Variants in WDPCP observed in about 807,000 individuals in gnomAD.
The protein encoded by WDPCP is WD repeat-containing and planar cell polarity effector protein fritz homolog.
Under a neutral mutation model 93.1 loss-of-function variants are expected in WDPCP, and 71 were observed. The observed-to-expected ratio is 0.76, with a 90% confidence interval of 0.63 to 0.93. The LOEUF is 0.93. Among genes scored for constraint, WDPCP ranks in the 40% least tolerant of loss-of-function variants. The pLI is 0.00. For missense variants in WDPCP, 844 were observed against 887.4 expected (o/e 0.95, Z 0.62); for synonymous variants, 315 against 315.0 (o/e 1.00, Z 0.00).
At chr2:63,309,954 A>G (rs978030653) in intron 13 of WDPCP, among the ~76,000 whole-genome samples, 1 of 152,172 alleles carries the variant, frequency 6.6e-6, no homozygotes, top group Non-Finnish European at 1.5e-5. Flanking sequence ...CCTTGATTCA[A>G]TTCCAATCTT....
intron 1 of WDPCP, among the ~76,000 whole-genome samples, chr2:63,557,960 G>A (rs1259248665): frequency 6.6e-6 from 1 of 152,152 alleles, no homozygotes; most frequent in African/African-American, 2.4e-5. Context: ...AGAACAAAGA[G>A]AAAACATAAC....
At chr2:63,673,086 C>T (rs1035239294) in intron 2 of WDPCP, among the ~76,000 whole-genome samples, 2 of 152,072 alleles carry the variant, frequency 1.3e-5, no homozygotes, top group Non-Finnish European at 2.9e-5. Flanking sequence ...CACTTCTTTA[C>T]AAGGATTAAA....
At chr2:63,258,152 T>G (rs1460039406) in intron 14 of WDPCP, among the ~76,000 whole-genome samples, 1 of 152,206 alleles carries the variant, frequency 6.6e-6, no homozygotes, top group African/African-American at 2.4e-5. Context: ...TTAGTAGTAG[T>G]ACACACATTA....
At chr2:63,681,517 A>T (rs1480573212) in intron 2 of WDPCP, among the ~76,000 whole-genome samples, 1 of 152,210 alleles carries the variant, frequency 6.6e-6, no homozygotes. Flanking sequence ...GTACCAGCTC[A>T]GCTGCAAACA....
At chr2:63,592,149 G>C (rs1231644801), upstream of WDPCP, among the ~76,000 whole-genome samples, 2 of 152,082 alleles carry the variant, frequency 1.3e-5, no homozygotes, top group African/African-American at 4.8e-5. Flanking sequence ...ATAGTACCAA[G>C]TACATGATAG....
At chr2:63,405,726 T>C (rs1283902116) in intron 9 of WDPCP, among the ~76,000 whole-genome samples, 1 of 152,036 alleles carries the variant, frequency 6.6e-6, no homozygotes, top group Non-Finnish European at 1.5e-5. Context: ...TGGAACACAA[T>C]GCAGAAGAAC....
intron 2 of WDPCP, among the ~76,000 whole-genome samples, chr2:63,687,499 A>G (rs1668824685): frequency 6.6e-6 from 1 of 152,228 alleles, no homozygotes; most frequent in African/African-American, 2.4e-5. Flanking sequence ...AAATCTAATA[A>G]TCCCATCAAA....
intron 12 of WDPCP, chr2:63,369,575 ATCCC>A: frequency 2.2e-6 from 1 of 451,046 alleles, no homozygotes; most frequent in Admixed American, 2.4e-5. Flanking sequence ...CATTTTGTAC[ATCCC>A]AAATGAAAAA....
intron 1 of WDPCP, among the ~76,000 whole-genome samples, chr2:63,553,278 TTC>T (rs1705820001): frequency 6.6e-6 from 1 of 152,258 alleles, no homozygotes. Flanking sequence ...TTTTCTTTTA[TTC>T]TCTTTGAACT....
At chr2:63,808,087 T>C (rs951055691) in intron 2 of WDPCP, among the ~76,000 whole-genome samples, 5 of 152,206 alleles carry the variant, frequency 3.3e-5, no homozygotes, top group African/African-American at 1.2e-4. Context: ...AGACCTTTAA[T>C]TCACTCAGGG....
At chr2:63,588,020 G>T (rs1009855052) in intron 1 of WDPCP, among the ~76,000 whole-genome samples, 177 bp downstream of exon 1, 2 of 152,156 alleles carry the variant, frequency 1.3e-5, no homozygotes, top group Non-Finnish European at 1.5e-5. Context: ...CCTACTCCAG[G>T]GCACCACCCC....
chr2:63,314,773 C>T (rs770246262), intron 12 of WDPCP, among the ~76,000 whole-genome samples: 22 of 152,146 alleles, frequency 1.4e-4, no homozygotes, highest in Non-Finnish European at 2.9e-4. Flanking sequence ...TACAAATCTA[C>T]ACCTCCGGGA....
chr2:63,735,782 T>G (rs138417987), intron 2 of WDPCP, among the ~76,000 whole-genome samples: 1 of 152,332 alleles, frequency 6.6e-6, no homozygotes, highest in African/African-American at 2.4e-5. Context: ...ATATTCTTGT[T>G]GTTAATTGTG....
chr2:63,707,099 T>C (rs113149957), intron 2 of WDPCP, among the ~76,000 whole-genome samples: 30,210 of 152,094 alleles, frequency 0.2, 3,258 homozygotes, highest in Middle Eastern at 0.28. Context: ...CTGACAATTA[T>C]GTGTCTTGGA....
chr2:63,457,235 G>T (rs1033042184), intron 6 of WDPCP, among the ~76,000 whole-genome samples: 3 of 152,012 alleles, frequency 2.0e-5, no homozygotes, highest in African/African-American at 7.2e-5. Context: ...TAGAGGAAAT[G>T]GATAAATTGC....
chr2:63,489,310 T>A (rs1315034219), intron 2 of WDPCP, among the ~76,000 whole-genome samples: 1 of 152,068 alleles, frequency 6.6e-6, no homozygotes, highest in Non-Finnish European at 1.5e-5. Flanking sequence ...TGGTGGTAGA[T>A]AGGAATGAGA....
At chr2:63,556,228 C>T (rs1210215153) in intron 1 of WDPCP, among the ~76,000 whole-genome samples, 2 of 152,014 alleles carry the variant, frequency 1.3e-5, no homozygotes, top group Non-Finnish European at 2.9e-5. Flanking sequence ...CCAAATAGAC[C>T]AAGTGAAGGA....
intron 3 of WDPCP, among the ~76,000 whole-genome samples, chr2:63,633,102 A>G (rs1575734839): frequency 6.6e-6 from 1 of 152,190 alleles, no homozygotes; most frequent in Admixed American, 6.5e-5. Flanking sequence ...AAATCTGCCA[A>G]TCAAAAATAT....
rs576834244 is a variant in WDPCP at position 63,523,447 on chromosome 2, T to C, written c.76-30507A>G. Among the ~76,000 whole-genome samples, 8 of 152,288 alleles carry C rather than the reference T, an allele frequency of 5.3e-5. No individual in the cohort carries two copies. In the East Asian group the frequency reaches 1.2e-3, roughly 22 times the overall value. Reference sequence around the variant, plus strand: ...CTATTAAACATAGCAATGGAAGTCATAGCCAGAGCAATCAGACAAGAGAAA... The same window carrying C: ...CTATTAAACATAGCAATGGAAGTCACAGCCAGAGCAATCAGACAAGAGAAA... On this transcript the variant is annotated intron_variant, in intron 1 of 17. Coordinates refer to ENST00000272321, the MANE Select transcript of WDPCP (RefSeq NM_015910.7).
Sources: gnomAD v4.1 joint callset for allele counts (sites outside exome capture counted in the v4.1 genomes callset) on GRCh38, gnomAD v4.1.1 for gene constraint, MANE v1.5 for transcripts, NCBI Gene and HGNC (gene_info 2026-07-23, HGNC 2026-07-21) for gene names.